LRMDA: variants seen among roughly 807,000 people sequenced by gnomAD.
LRMDA encodes the protein leucine-rich melanocyte differentiation-associated protein.
In LRMDA, 18 loss-of-function variants were observed where a neutral mutation model predicts 29.8. The ratio of observed to expected loss-of-function variants is 0.60; its 90% CI spans 0.42 to 0.90. The LOEUF is 0.90. Ranked by LOEUF, LRMDA falls within the 40% of genes least tolerant of loss-of-function variation. The pLI is 0.00. For missense variants in LRMDA, 273 were observed against 273.9 expected, an observed-to-expected ratio of 1.00 and a Z score of 0.02; for synonymous variants, 125 against 109.4, an observed-to-expected ratio of 1.14 and a Z score of -0.89.
At chr10:75,461,763 G>A (rs1219751317) in intron 2 of LRMDA, among the ~76,000 whole-genome samples, 9 of 152,176 alleles carry the variant, frequency 5.9e-5, no homozygotes, top group Admixed American at 5.9e-4. Flanking sequence ...CTCGTGGGGA[G>A]GGGAAAGCTG....
At chr10:76,203,667 C>T (rs1589374753) in intron 5 of LRMDA, among the ~76,000 whole-genome samples, 1 of 152,018 alleles carries the variant, frequency 6.6e-6, no homozygotes, top group Admixed American at 6.6e-5. Flanking sequence ...CCCGTCCACC[C>T]ATCTCTATTC....
At chr10:76,355,875 A>G (rs1201857461) in intron 6 of LRMDA, among the ~76,000 whole-genome samples, 1 of 152,216 alleles carries the variant, frequency 6.6e-6, no homozygotes, top group Non-Finnish European at 1.5e-5. Flanking sequence ...ATTCAGGGCT[A>G]TAAGTGAAGC....
chr10:76,072,248 C>A (rs1295006932), intron 5 of LRMDA, among the ~76,000 whole-genome samples: 1 of 152,132 alleles, frequency 6.6e-6, no homozygotes, highest in Non-Finnish European at 1.5e-5. Context: ...GTGTTGAGGG[C>A]CCTGGACAGG....
intron 2 of LRMDA, among the ~76,000 whole-genome samples, chr10:76,027,305 A>C (rs949514404): frequency 1.3e-5 from 2 of 152,142 alleles, no homozygotes; most frequent in African/African-American, 4.8e-5. Flanking sequence ...CTCTTCCCAG[A>C]CACTGCTCTT....
intron 5 of LRMDA, among the ~76,000 whole-genome samples, chr10:76,109,472 A>G (rs1176531565): frequency 1.3e-5 from 2 of 152,148 alleles, no homozygotes; most frequent in Admixed American, 6.5e-5. Flanking sequence ...TTTATCTTGC[A>G]TAGTCAGTGC....
intron 2 of LRMDA, among the ~76,000 whole-genome samples, chr10:75,752,550 T>G (rs1278655555): frequency 6.6e-6 from 1 of 152,154 alleles, no homozygotes; most frequent in Non-Finnish European, 1.5e-5. Context: ...GTTAAAATAT[T>G]CAGTAATTAG....
At chr10:75,594,592 C>A (rs1035541959) in intron 2 of LRMDA, among the ~76,000 whole-genome samples, 1 of 152,164 alleles carries the variant, frequency 6.6e-6, no homozygotes, top group African/African-American at 2.4e-5. Context: ...TCTCAATGGG[C>A]CAGTGTAGCT....
intron 2 of LRMDA, among the ~76,000 whole-genome samples, chr10:75,974,505 G>C (rs975047627): frequency 2.6e-5 from 4 of 152,150 alleles, no homozygotes; most frequent in Admixed American, 2.6e-4. Context: ...CTAACTCATA[G>C]GGTTGCTGTT....
intron 2 of LRMDA, among the ~76,000 whole-genome samples, chr10:75,890,694 G>A (rs115527934): frequency 6.8e-4 from 104 of 152,288 alleles, no homozygotes; most frequent in African/African-American, 2.4e-3. Context: ...GTACACAGAG[G>A]TAGAAGCTTG....
At position 75,502,048 on chromosome 10, in the gene LRMDA, C is replaced by G. The variant is rs1845119614; in HGVS notation, c.131+63554C>G. On this transcript the variant is annotated intron_variant, in intron 2 of 6. Transcript: ENST00000611255. ...GTGTGTCCTGCCATCATTCAGGGGC[C>G]CAGGCTGTGTTCCTCTTGTGGCTCT... Among the ~76,000 whole-genome samples, 2 of 152,144 alleles carry G rather than the reference C, an allele frequency of 1.3e-5. 1 individual carries two copies. Among genetic ancestry groups the G allele is most frequent in the Admixed American group, 1.3e-4 (2 of 15,272 alleles).
At chr10:75,749,517 G>A (rs946744580) in intron 2 of LRMDA, among the ~76,000 whole-genome samples, 1 of 151,248 alleles carries the variant, frequency 6.6e-6, no homozygotes, top group Middle Eastern at 3.2e-3. Flanking sequence ...ATATGCATGT[G>A]TATATGTATT....
intron 2 of LRMDA, among the ~76,000 whole-genome samples, chr10:75,674,609 G>C (rs973738127): frequency 4.6e-5 from 7 of 152,180 alleles, no homozygotes; most frequent in Admixed American, 1.3e-4. Context: ...CACCGCTTCA[G>C]ATAATTGTCC....
intron 5 of LRMDA, among the ~76,000 whole-genome samples, chr10:76,201,036 C>T (rs560461890): frequency 1.6e-4 from 23 of 147,052 alleles, no homozygotes; most frequent in East Asian, 1.4e-3. Context: ...TATTTCGTAA[C>T]GCTTAGTGAC....
chr10:76,026,545 A>G (rs902120464), intron 2 of LRMDA, among the ~76,000 whole-genome samples: 3 of 152,232 alleles, frequency 2.0e-5, no homozygotes, highest in African/African-American at 7.2e-5. Context: ...TTTACTTTCT[A>G]TAAGAGGTCA....
chr10:76,407,263 C>T (rs188219583), intron 6 of LRMDA, among the ~76,000 whole-genome samples: 1 of 152,252 alleles, frequency 6.6e-6, no homozygotes, highest in African/African-American at 2.4e-5. Flanking sequence ...CCAGGTGCTC[C>T]ATATGTGGGA....
At chr10:76,416,943 T>C (rs1463496388) in intron 6 of LRMDA, among the ~76,000 whole-genome samples, 4 of 152,220 alleles carry the variant, frequency 2.6e-5, no homozygotes, top group Non-Finnish European at 4.4e-5. Flanking sequence ...GCACTATCTA[T>C]GATGGACGAG....
rs550121411 is a variant in LRMDA at position 76,221,053 on chromosome 10, G to C, written c.517-103348G>C. On this transcript the variant is annotated intron_variant, in intron 5 of 6. Coordinates refer to ENST00000611255, the MANE Select transcript of LRMDA (RefSeq NM_001305581.2). ...TTATCTCAATAGATGCAGAAAAGGCGTTTGACAAAATTCAACAACCCTTCA... is the reference window on the plus strand; with the variant it reads ...TTATCTCAATAGATGCAGAAAAGGCCTTTGACAAAATTCAACAACCCTTCA... Among the ~76,000 whole-genome samples, 175 of 151,476 alleles carry C rather than the reference G, an allele frequency of 1.2e-3. 1 individual carries two copies. Among genetic ancestry groups the C allele is most frequent in the Admixed American group, 2.2e-3 (34 of 15,182 alleles).
At chr10:75,749,146 CT>C (rs2132216830) in intron 2 of LRMDA, among the ~76,000 whole-genome samples, 2 of 152,320 alleles carry the variant, frequency 1.3e-5, no homozygotes, top group African/African-American at 4.8e-5. Context: ...CGATGATCCA[CT>C]TTCACTTAAT....
chr10:75,858,003 A>AT (rs1844856539), intron 2 of LRMDA, among the ~76,000 whole-genome samples: 1 of 152,214 alleles, frequency 6.6e-6, no homozygotes. Flanking sequence ...AAAAGGATTT[A>AT]TTTTTCTCAG....
Sources: gnomAD v4.1 joint callset for allele counts (sites outside exome capture counted in the v4.1 genomes callset) on GRCh38, gnomAD v4.1.1 for gene constraint, MANE v1.5 for transcripts, NCBI Gene and HGNC (gene_info 2026-07-23, HGNC 2026-07-21) for gene names.